Variants in ZNF324B observed in about 807,000 individuals in gnomAD.
ZNF324B encodes the protein zinc finger protein 324B.
ZNF324B carries 7 observed loss-of-function variants against 10.6 expected under a neutral mutation model. That is an observed-to-expected ratio of 0.66 (90% CI 0.38 to 1.24). The LOEUF (loss-of-function observed/expected upper bound fraction) is 1.24, where lower values mean the gene tolerates loss of function less well. ZNF324B is among the 50% of genes most tolerant of loss of function. The pLI is 0.02. For missense variants in ZNF324B, 640 were observed against 764.7 expected, an observed-to-expected ratio of 0.84 and a Z score of 1.92; for synonymous variants, 316 against 321.0, an observed-to-expected ratio of 0.98 and a Z score of 0.17.
the ZNF324B span, among the ~76,000 whole-genome samples, chr19:58,439,160 A>G: frequency 6.6e-6 from 1 of 152,136 alleles, no homozygotes; most frequent in African/African-American, 2.4e-5. Context: ...GAAGCCAACC[A>G]TCTGTCCTAC....
chr19:58,436,667 C>CAA, the ZNF324B span, among the ~76,000 whole-genome samples: 532 of 64,658 alleles, frequency 8.2e-3, 3 homozygotes, highest in East Asian at 0.041. Context: ...GACTCCATCT[C>CAA]AAAAAAAAAA....
chr19:58,456,323 AG>A lies in ZNF324B; in HGVS notation c.1382del (p.Gly461ValfsTer79). 1.2e-6 allele frequency: 2 copies of A among 1,612,764 alleles called. No individual in the cohort carries two copies. Among genetic ancestry groups the A allele is most frequent in the Non-Finnish European group, 8.5e-7 (1 of 1,179,840 alleles). ...CCCTTCCGCTGCGTGGACTGTGGCA[AG>A]GGTTTCGCCAAGGGCGCCGTGCTGC... ...ERPFRCVDCG[K>X]GFAKGAVLLS... is the part of the protein sequence containing the mutation. On this transcript the variant is annotated frameshift_variant, in exon 4 of 4. Coordinates refer to ENST00000336614, the MANE Select transcript of ZNF324B (RefSeq NM_207395.3). LOFTEE classifies it low-confidence loss of function (END_TRUNC). This position sits in a 1 kb window ranked among gnomAD's most constrained non-coding sequence, Gnocchi z 4.7.
At chr19:58,427,233 C>A in the ZNF324B span, among the ~76,000 whole-genome samples, 4 of 151,712 alleles carry the variant, frequency 2.6e-5, no homozygotes, top group Non-Finnish European at 5.9e-5. Context: ...CAGGCTCAAG[C>A]AATTCTCCTG....
the ZNF324B span, chr19:58,433,524 G>A: frequency 6.2e-7 from 1 of 1,614,156 alleles, no homozygotes; most frequent in African/African-American, 1.3e-5. Flanking sequence ...GAACCAGGTG[G>A]GAGTTACTGC....
At chr19:58,422,288 A>G in the ZNF324B span, among the ~76,000 whole-genome samples, 1 of 152,184 alleles carries the variant, frequency 6.6e-6, no homozygotes, top group Non-Finnish European at 1.5e-5. Flanking sequence ...ATGGCCATAT[A>G]TGACAGACCC....
chr19:58,450,001 G>T (rs1265917999), upstream of ZNF324B, among the ~76,000 whole-genome samples: 1 of 152,120 alleles, frequency 6.6e-6, no homozygotes, highest in Non-Finnish European at 1.5e-5. Flanking sequence ...ATTTTGAATT[G>T]TAGCTTTCAT....
At chr19:58,439,884 G>T in the ZNF324B span, 1 of 1,503,416 alleles carries the variant, frequency 6.7e-7, no homozygotes. Flanking sequence ...CTGGGTGACG[G>T]TCGCACTCAG....
chr19:58,455,608 C>G lies in ZNF324B; in HGVS notation c.664C>G (p.Arg222Gly), dbSNP rs371148383. 4 of 1,613,910 alleles carry G rather than the reference C, an allele frequency of 2.5e-6. No homozygotes were observed. In the African/African-American group the frequency reaches 5.3e-5, roughly 22 times the overall value. Residue 222 changes from arginine (R) to glycine (G), a missense_variant, in exon 4 of 4, where the codon CGC (arginine) becomes GGC (glycine). Around this residue, in one of 3 missense-constraint regions of ZNF324B, gnomAD observed 345 missense variants for 387.9 expected, o/e 0.89. Transcript: ENST00000336614. This position sits in a 1 kb window ranked among gnomAD's most constrained non-coding sequence, Gnocchi z 7.0. Reference sequence around the variant, plus strand: ...GAAGGCCGCCAGTGGTGGCAGGGATCGCAGAATGGGCGCAGCTTGGCAGGA... The same window carrying G: ...GAAGGCCGCCAGTGGTGGCAGGGATGGCAGAATGGGCGCAGCTTGGCAGGA... ...DLKAASGGRD[R>G]RMGAAWQEPH...
the ZNF324B span, among the ~76,000 whole-genome samples, chr19:58,436,590 C>A: frequency 6.7e-6 from 1 of 148,638 alleles, no homozygotes; most frequent in Non-Finnish European, 1.5e-5. Flanking sequence ...ATGGCGTGAA[C>A]CTGGGAGGCA....
chr19:58,427,477 C>T, the ZNF324B span, among the ~76,000 whole-genome samples: 1 of 107,538 alleles, frequency 9.3e-6, no homozygotes, highest in African/African-American at 4.0e-5. Context: ...TTCCTTCCTT[C>T]CTTCCTTCCT....
At chr19:58,429,386 G>C in the ZNF324B span, 1 of 152,236 alleles carries the variant, frequency 6.6e-6, no homozygotes, top group Non-Finnish European at 1.5e-5. Flanking sequence ...TTCTATTTTA[G>C]ATGGAGTCTC....
At chr19:58,435,595 T>TA in the ZNF324B span, 30 of 164,832 alleles carry the variant, frequency 1.8e-4, no homozygotes, top group East Asian at 1.6e-3. Flanking sequence ...ATAGCTATAA[T>TA]AAAAAAAAAT....
the ZNF324B span, among the ~76,000 whole-genome samples, chr19:58,438,319 A>G: frequency 6.6e-6 from 1 of 151,982 alleles, no homozygotes; most frequent in African/African-American, 2.4e-5. Context: ...ACCCGACATA[A>G]TTTCATAATC....
rs1226999585 is a variant in ZNF324B, at chr19:58,455,065, T to C, written c.239-118T>C. Reference sequence around the variant, plus strand: ...CCTCCTGCAGAGCCAGCCTCACCTCTTCTTTTTCCCTAAGCTTTTGTCCCG... The same window carrying C: ...CCTCCTGCAGAGCCAGCCTCACCTCCTCTTTTTCCCTAAGCTTTTGTCCCG... On this transcript the variant is annotated intron_variant, in intron 3 of 3. Coordinates refer to ENST00000336614, the MANE Select transcript of ZNF324B (RefSeq NM_207395.3). This position sits in a 1 kb window ranked among gnomAD's most constrained non-coding sequence, Gnocchi z 7.0. The C allele has an allele frequency of 2.1e-6, 3 of 1,419,954 alleles. No individual in the cohort carries two copies. The highest frequency in any genetic ancestry group is 3.0e-6 in the Non-Finnish European group (3 of 1,009,024). The allele number at this position is 1,419,954 out of a possible 1,614,324, so 88.0% of individuals were successfully genotyped here. A position where few individuals can be genotyped will look rare whatever the true frequency, so the allele number is the denominator to read the frequency against.
chr19:58,437,077 G>T, the ZNF324B span: 1 of 1,614,058 alleles, frequency 6.2e-7, no homozygotes, highest in Non-Finnish European at 8.5e-7. Flanking sequence ...AGGTTTTCCA[G>T]CATCACACTG....
the ZNF324B span, chr19:58,437,038 G>A: frequency 6.2e-7 from 1 of 1,614,138 alleles, no homozygotes. Context: ...TGCTGAGACA[G>A]GGCATTACCA....
chr19:58,433,245 C>T, the ZNF324B span: 2 of 1,454,672 alleles, frequency 1.4e-6, no homozygotes, highest in Non-Finnish European at 9.3e-7. Context: ...GGTAATTTTT[C>T]TGGTATGGGG....
At chr19:58,436,482 T>G in the ZNF324B span, among the ~76,000 whole-genome samples, 1 of 151,788 alleles carries the variant, frequency 6.6e-6, no homozygotes. Flanking sequence ...CTGGCTAACA[T>G]GGTGAAACCC....
At chr19:58,433,630 C>T in the ZNF324B span, 1 of 1,614,134 alleles carries the variant, frequency 6.2e-7, no homozygotes, top group South Asian at 1.1e-5. Flanking sequence ...AAAGAATTTC[C>T]CACATTCACT....
Sources: allele counts gnomAD v4.1 joint callset (sites outside exome capture counted in the v4.1 genomes callset), GRCh38; gene constraint gnomAD v4.1.1; regional missense constraint gnomAD v4.1.1; non-coding constraint Gnocchi (gnomAD v3.1); transcripts MANE v1.5; gene names NCBI Gene and HGNC (gene_info 2026-07-23, HGNC 2026-07-21).